The following FXYD6 variants were observed in gnomAD, a reference collection of about 807,000 sequenced individuals.
FXYD6 encodes FXYD domain-containing ion transport regulator 6.
A neutral mutation model predicts 16.7 loss-of-function variants in FXYD6; 7 were observed. The ratio of observed to expected loss-of-function variants is 0.42; its 90% confidence interval spans 0.24 to 0.79. FXYD6 has a LOEUF of 0.79. FXYD6 is among the 30% of genes least tolerant of loss of function. The pLI, the probability that FXYD6 is intolerant of heterozygous loss-of-function variation, is 0.28. For synonymous variants in FXYD6, 49 were observed against 43.0 expected, an observed-to-expected ratio of 1.14 and a Z score of -0.54; for missense variants, 111 against 116.2, an observed-to-expected ratio of 0.95 and a Z score of 0.21.
At chr11:117,861,932 C>G (rs2056915690) in intron 1 of FXYD6, among the ~76,000 whole-genome samples, 1 of 152,212 alleles carries the variant, frequency 6.6e-6, no homozygotes, top group Non-Finnish European at 1.5e-5. Context: ...ATATGTGGCC[C>G]AGGGAGGACA....
intron 1 of FXYD6, among the ~76,000 whole-genome samples, chr11:117,852,303 A>G (rs1487454846): frequency 6.6e-6 from 1 of 152,254 alleles, no homozygotes; most frequent in Admixed American, 6.5e-5. Flanking sequence ...AAACCATTAC[A>G]TAATAAACAT....
intron 1 of FXYD6, among the ~76,000 whole-genome samples, chr11:117,843,035 G>T (rs1435838396): frequency 6.6e-6 from 1 of 152,096 alleles, no homozygotes; most frequent in Non-Finnish European, 1.5e-5. Context: ...CCAGGTTCAA[G>T]TGATTCTTCT....
At chr11:117,839,947 G>A (rs1466324102) in intron 6 of FXYD6, 117 bp from the exon 7 acceptor site, 14 of 1,346,884 alleles carry the variant, frequency 1.0e-5, no homozygotes, top group African/African-American at 1.4e-5. Flanking sequence ...ACGGGCATGG[G>A]ATTTCGAGTC....
intron 1 of FXYD6, 35 bp downstream of exon 1, chr11:117,876,557 A>G: frequency 6.6e-6 from 1 of 152,644 alleles, no homozygotes; most frequent in Non-Finnish European, 1.5e-5. Flanking sequence ...CCTCGGAAAA[A>G]GGAGCCAACT....
Position 117,842,745 on chromosome 11 carries a change from A to G in FXYD6, c.32T>C (p.Leu11Pro). Reference protein sequence around the residue: MELVLVFLCSLLAPMVLASAA... With the variant: MELVLVFLCSPLAPMVLASAA... Reference sequence around the variant, plus strand: ...ACTGGCCAGGACCATGGGGGCCAGCAGGCTGCAGAGGAAGACCAGCACCAA... The same window carrying G: ...ACTGGCCAGGACCATGGGGGCCAGCGGGCTGCAGAGGAAGACCAGCACCAA... Residue 11 changes from leucine to proline, a missense_variant, in exon 2 of 8, where the codon CTG becomes CCG. Transcript: ENST00000526014. 6.4e-7 allele frequency: 1 copy of G among 1,569,638 alleles called. No homozygotes were observed. The highest frequency in any genetic ancestry group is 2.3e-5 in the East Asian group (1 of 42,658).
chr11:117,869,324 G>A (rs532357255), intron 1 of FXYD6: 1 of 152,374 alleles, frequency 6.6e-6, no homozygotes, highest in East Asian at 1.9e-4. Flanking sequence ...CTAGGAGCAG[G>A]ACAGGGCACC....
intron 1 of FXYD6, among the ~76,000 whole-genome samples, chr11:117,874,762 C>T (rs2057219050): frequency 6.6e-6 from 1 of 152,244 alleles, no homozygotes; most frequent in South Asian, 2.1e-4. Context: ...AAATTCTGGT[C>T]AGTGCCCAGC....
chr11:117,853,740 G>A (rs540401501), intron 1 of FXYD6, among the ~76,000 whole-genome samples: 1 of 152,240 alleles, frequency 6.6e-6, no homozygotes, highest in East Asian at 1.9e-4. Flanking sequence ...TGATCCTTCT[G>A]GCTCGGCCTC....
intron 1 of FXYD6, among the ~76,000 whole-genome samples, chr11:117,865,160 G>A (rs2056987932): frequency 6.6e-6 from 1 of 152,152 alleles, no homozygotes; most frequent in Non-Finnish European, 1.5e-5. Flanking sequence ...AAACTACAAT[G>A]CGTACCACCT....
At chr11:117,841,280 C>A in intron 4 of FXYD6, 96 bp from the exon 5 acceptor site, 1 of 1,549,602 alleles carries the variant, frequency 6.5e-7, no homozygotes, top group South Asian at 1.1e-5. Context: ...AAATGGCACC[C>A]CCTAGACCTG....
intron 1 of FXYD6, among the ~76,000 whole-genome samples, chr11:117,871,203 C>T (rs1270004823): frequency 2.0e-5 from 3 of 152,110 alleles, no homozygotes; most frequent in Non-Finnish European, 4.4e-5. Flanking sequence ...CTAGACTCTA[C>T]CAAAGCAAGT....
At chr11:117,874,968 G>A (rs1378984397) in intron 1 of FXYD6, among the ~76,000 whole-genome samples, 3 of 152,188 alleles carry the variant, frequency 2.0e-5, no homozygotes, top group African/African-American at 4.8e-5. Flanking sequence ...CCAGGGAGAT[G>A]TTAGGGTTTT....
intron 1 of FXYD6, among the ~76,000 whole-genome samples, chr11:117,871,101 A>G (rs2057125203): frequency 6.6e-6 from 1 of 152,082 alleles, no homozygotes; most frequent in African/African-American, 2.4e-5. Context: ...TCAAATCCCA[A>G]CTACCAAAAT....
In FXYD6 at chr11:117,870,708, G is replaced by A. The variant is rs182521032; in HGVS notation, c.-6+5884C>T. Among the ~76,000 whole-genome samples the A allele has an allele frequency of 1.3e-5, 2 of 152,294 alleles. No homozygotes were observed. Among genetic ancestry groups the A allele is most frequent in the Non-Finnish European group, 2.9e-5 (2 of 68,020 alleles). On this transcript the variant is annotated intron_variant, in intron 1 of 7. Transcript: ENST00000526014. The surrounding 1 kb of genome is among the most constrained non-coding windows in gnomAD (Gnocchi z 4.2). ...AGAAATGTGCCCTGCCTTTAGAGGA[G>A]GGGGCTGTTGACCTGACTCTGTCTC...
intron 1 of FXYD6, among the ~76,000 whole-genome samples, chr11:117,867,776 C>A (rs892958521): frequency 3.3e-5 from 5 of 152,086 alleles, no homozygotes; most frequent in Non-Finnish European, 5.9e-5. Context: ...AATGCCCTTC[C>A]CTTCTTTGTT....
chr11:117,874,531 C>T (rs1211295918), intron 1 of FXYD6, among the ~76,000 whole-genome samples: 1 of 152,162 alleles, frequency 6.6e-6, no homozygotes, highest in East Asian at 1.9e-4. Flanking sequence ...CTCCTGTGGC[C>T]CCTCTCCTTC....
At chr11:117,842,912 C>A in intron 1 of FXYD6, 131 bp from the exon 2 acceptor site, 1 of 872,074 alleles carries the variant, frequency 1.1e-6, no homozygotes, top group African/African-American at 1.8e-5. Context: ...GGTGAGGGTT[C>A]AAACAACCTA....
chr11:117,840,143 G>A, intron 6 of FXYD6, 176 bp downstream of exon 6: 3 of 762,462 alleles, frequency 3.9e-6, no homozygotes, highest in Non-Finnish European at 6.6e-6. Context: ...GACACTAGTA[G>A]TAGCCTGTTT....
At chr11:117,859,947 G>A (rs1371142652) in intron 1 of FXYD6, among the ~76,000 whole-genome samples, 1 of 152,142 alleles carries the variant, frequency 6.6e-6, no homozygotes, top group Non-Finnish European at 1.5e-5. Flanking sequence ...GGTCATGGGA[G>A]AGGCCTATTC....
Sources: allele counts gnomAD v4.1 joint callset (sites outside exome capture counted in the v4.1 genomes callset), GRCh38; gene constraint gnomAD v4.1.1; non-coding constraint Gnocchi (gnomAD v3.1); transcripts MANE v1.5; gene names NCBI Gene and HGNC (gene_info 2026-07-23, HGNC 2026-07-21).